The following SHC4 variants were observed in gnomAD, a reference collection of about 807,000 sequenced individuals.
SHC4 encodes SHC-transforming protein 4.
In SHC4, 41 loss-of-function variants were observed where a neutral mutation model predicts 69.4. The observed-to-expected ratio is 0.59, with a 90% confidence interval of 0.46 to 0.77. The LOEUF (loss-of-function observed/expected upper bound fraction) is 0.77, where lower values mean the gene tolerates loss of function less well. SHC4 is among the 30% of genes least tolerant of loss of function. The pLI is 0.00. For missense variants in SHC4, 777 were observed against 783.8 expected, an observed-to-expected ratio of 0.99 and a Z score of 0.10; for synonymous variants, 318 against 299.3, an observed-to-expected ratio of 1.06 and a Z score of -0.64.
At chr15:48,836,557 T>G (rs1898901978) in intron 10 of SHC4, among the ~76,000 whole-genome samples, 1 of 152,064 alleles carries the variant, frequency 6.6e-6, no homozygotes, top group Admixed American at 6.6e-5. Flanking sequence ...TCTTTTTTTT[T>G]GTTTTTTTTT....
At chr15:48,868,118 T>C (rs1336281024) in intron 5 of SHC4, among the ~76,000 whole-genome samples, 3 of 152,164 alleles carry the variant, frequency 2.0e-5, no homozygotes, top group Non-Finnish European at 4.4e-5. Flanking sequence ...AGACTGTCAT[T>C]AAGAATAAAA....
intron 2 of SHC4, among the ~76,000 whole-genome samples, chr15:48,907,416 T>C (rs192974317): frequency 6.6e-6 from 1 of 150,458 alleles, no homozygotes; most frequent in Non-Finnish European, 1.5e-5. Flanking sequence ...GAAGTCTGTG[T>C]TTTTTTTTCC....
chr15:48,956,970 CTTTCTTTTTTTTTTTTT>C (rs1901466692), intron 1 of SHC4, among the ~76,000 whole-genome samples: 1 of 70,166 alleles, frequency 1.4e-5, no homozygotes, highest in South Asian at 7.8e-4. Flanking sequence ...TTCTTTCTTT[CTTTCTTTTTTTTTTTTT>C]TTTTTTTTGA....
chr15:48,881,454 A>G (rs1899945304), intron 4 of SHC4, among the ~76,000 whole-genome samples: 1 of 151,232 alleles, frequency 6.6e-6, no homozygotes, highest in Admixed American at 6.6e-5. Flanking sequence ...TTGTCTCCCC[A>G]ACACAGAGGC....
At chr15:48,866,238 T>A (rs538850933) in intron 6 of SHC4, among the ~76,000 whole-genome samples, 8 of 152,332 alleles carry the variant, frequency 5.3e-5, no homozygotes, top group African/African-American at 1.9e-4. Flanking sequence ...TTGTGCCCTG[T>A]TCCTACATTC....
chr15:48,850,317 T>C (rs182779212), intron 9 of SHC4, among the ~76,000 whole-genome samples: 40 of 152,210 alleles, frequency 2.6e-4, no homozygotes, highest in Admixed American at 2.6e-4. Context: ...ATCATACCTA[T>C]ACCAGAAAGA....
At chr15:48,868,423 G>C (rs773328173) in intron 5 of SHC4, among the ~76,000 whole-genome samples, 7 of 152,034 alleles carry the variant, frequency 4.6e-5, no homozygotes, top group Non-Finnish European at 8.8e-5. Flanking sequence ...TCAATATACA[G>C]AAAAGAAAAA....
intron 5 of SHC4, 103 bp from the exon 6 acceptor site, chr15:48,867,972 T>C: frequency 2.3e-6 from 2 of 884,380 alleles, no homozygotes; most frequent in Non-Finnish European, 3.5e-6. Flanking sequence ...CAAATACAAA[T>C]GTTTTTTATT....
At chr15:48,947,178 AT>A (rs1901291695) in intron 1 of SHC4, 1 of 152,216 alleles carries the variant, frequency 6.6e-6, no homozygotes, top group Non-Finnish European at 1.5e-5. Flanking sequence ...CTTTAACATT[AT>A]TTCAGAAGCC....
intron 1 of SHC4, 101 bp from the exon 2 acceptor site, chr15:48,925,050 T>C (rs1567071454): frequency 8.3e-7 from 1 of 1,203,112 alleles, no homozygotes; most frequent in Admixed American, 1.8e-5. Flanking sequence ...AATCAGCTTC[T>C]GCTATCAAGT....
intron 2 of SHC4, among the ~76,000 whole-genome samples, chr15:48,894,172 GCAA>G (rs1252827790): frequency 6.6e-6 from 1 of 152,132 alleles, no homozygotes; most frequent in Non-Finnish European, 1.5e-5. Flanking sequence ...AGTAGAACTT[GCAA>G]CAGTATGTAC....
intron 2 of SHC4, among the ~76,000 whole-genome samples, chr15:48,892,065 C>G (rs955274471): frequency 2.6e-5 from 4 of 152,112 alleles, no homozygotes; most frequent in Admixed American, 2.6e-4. Flanking sequence ...CCGTGTTAGC[C>G]AGGATGGTCT....
intron 2 of SHC4, among the ~76,000 whole-genome samples, chr15:48,911,880 T>C (rs1173311117): frequency 6.6e-6 from 1 of 152,164 alleles, no homozygotes; most frequent in African/African-American, 2.4e-5. Context: ...GATACAAAAT[T>C]ATTGGCTGAT....
intron 2 of SHC4, among the ~76,000 whole-genome samples, chr15:48,910,056 G>A (rs1900480129): frequency 6.6e-6 from 1 of 152,046 alleles, no homozygotes; most frequent in Non-Finnish European, 1.5e-5. Context: ...GTATTAGGGT[G>A]ATGCTGGCTT....
intron 10 of SHC4, among the ~76,000 whole-genome samples, chr15:48,842,820 G>A (rs960721168): frequency 5.9e-5 from 9 of 152,030 alleles, no homozygotes; most frequent in Non-Finnish European, 8.8e-5. Flanking sequence ...AGTCCCAGCT[G>A]CTCAGGAGGC....
chr15:48,829,005 A>T (rs1898745692), intron 11 of SHC4, among the ~76,000 whole-genome samples: 1 of 152,086 alleles, frequency 6.6e-6, no homozygotes, highest in Admixed American at 6.5e-5. Context: ...TGCTGTGCAG[A>T]AGCTTTTTAG....
At chr15:48,872,040 A>G in intron 5 of SHC4, 49 bp downstream of exon 5, 1 of 1,176,506 alleles carries the variant, frequency 8.5e-7, no homozygotes, top group Non-Finnish European at 1.2e-6. Flanking sequence ...CCCAAATGTC[A>G]AGAAGTTATT....
chr15:48,861,869 A>T lies in SHC4; in HGVS notation c.947-4054T>A, dbSNP rs115654508. Among the ~76,000 whole-genome samples, 376 of 152,368 alleles carry T rather than the reference A, an allele frequency of 2.5e-3. 1 individual carries two copies. Among genetic ancestry groups the T allele is most frequent in the African/African-American group, 8.7e-3 (361 of 41,596 alleles). On this transcript the variant is annotated intron_variant, in intron 6 of 11. Transcript: ENST00000332408. Reference sequence around the variant, plus strand: ...GGTAGTCATAAACAAGAGGATTACAACTATTACTAAAGGATAACAGACACT... The same window carrying T: ...GGTAGTCATAAACAAGAGGATTACATCTATTACTAAAGGATAACAGACACT...
In SHC4 at chr15:48,853,862, A is replaced by T. The variant is rs113048521; in HGVS notation, c.1242+2091T>A. ...TAAATATATAAACGTTAAGACCTCA[A>T]ATTGTAAGAATCCTAGAAGAAAACC... is the stretch of plus-strand genomic sequence containing the variant. On this transcript the variant is annotated intron_variant, in intron 8 of 11. Coordinates refer to ENST00000332408, the MANE Select transcript of SHC4 (RefSeq NM_203349.4). Among the ~76,000 whole-genome samples the T allele has an allele frequency of 1.5e-3, 228 of 152,296 alleles. 1 individual carries two copies. The highest frequency in any genetic ancestry group is 5.1e-3 in the African/African-American group (213 of 41,566).
Sources: allele counts gnomAD v4.1 joint callset (sites outside exome capture counted in the v4.1 genomes callset), GRCh38; gene constraint gnomAD v4.1.1; transcripts MANE v1.5; gene names NCBI Gene and HGNC (gene_info 2026-07-23, HGNC 2026-07-21).